ABCC4: variants seen among roughly 807,000 people sequenced by gnomAD.
ABCC4 encodes the protein ATP-binding cassette sub-family C member 4.
ABCC4 carries 102 observed loss-of-function variants against 168.5 expected under a neutral mutation model. The ratio of observed to expected loss-of-function variants is 0.61; its 90% CI spans 0.52 to 0.71. The LOEUF is 0.71. Ranked by LOEUF, ABCC4 falls within the 30% of genes least tolerant of loss-of-function variation. The pLI is 0.00. For synonymous variants in ABCC4, 617 were observed against 590.7 expected (o/e 1.04, Z -0.65); for missense variants, 1,402 against 1,605.8 (o/e 0.87, Z 2.17).
chr13:95,053,049 C>T (rs1326266584), intron 27 of ABCC4, 46 bp downstream of exon 27: 1 of 1,506,884 alleles, frequency 6.6e-7, no homozygotes. Context: ...TACATATACA[C>T]ATACTGAGGC....
At chr13:95,261,935 AC>A (rs200016375) in intron 1 of ABCC4, among the ~76,000 whole-genome samples, 13,559 of 145,778 alleles carry the variant, frequency 0.093, 1,012 homozygotes, top group African/African-American at 0.21. Flanking sequence ...TTCTCTCCAC[AC>A]AAAAAAAAAA....
Position 95,116,005 on chromosome 13 carries a change from C to T in ABCC4, c.2456-4G>A, listed in dbSNP as rs758407958. 8.1e-6 allele frequency: 13 copies of T among 1,608,904 alleles called. No individual in the cohort carries two copies. In the East Asian group the frequency reaches 1.3e-4, roughly 17 times the overall value. Reference sequence around the variant, plus strand: ...GAGAAACGATTTAAAATTCTTCCTGCAAGAACAGGATATGAAAAATTACTC... The same window carrying T: ...GAGAAACGATTTAAAATTCTTCCTGTAAGAACAGGATATGAAAAATTACTC... On this transcript the variant is annotated splice_polypyrimidine_tract_variant and splice_region_variant and intron_variant, in intron 19 of 30. Transcript: ENST00000645237.
At chr13:95,097,279 A>G (rs2034634373) in intron 20 of ABCC4, among the ~76,000 whole-genome samples, 1 of 152,318 alleles carries the variant, frequency 6.6e-6, no homozygotes, top group Non-Finnish European at 1.5e-5. Flanking sequence ...CTAACAGAAG[A>G]CAAATACCAA....
intron 4 of ABCC4, among the ~76,000 whole-genome samples, chr13:95,220,739 G>A (rs955715231): frequency 2.6e-5 from 4 of 152,170 alleles, no homozygotes; most frequent in African/African-American, 7.2e-5. Flanking sequence ...TCGACTCTAT[G>A]ATAAGCATAT....
chr13:95,128,536 C>T (rs775395428), intron 19 of ABCC4, among the ~76,000 whole-genome samples: 1 of 152,218 alleles, frequency 6.6e-6, no homozygotes, highest in Non-Finnish European at 1.5e-5. Flanking sequence ...AGCTGTGCAA[C>T]TCTTTCCTTC....
chr13:95,075,428 A>G lies in ABCC4; in HGVS notation c.2806+4T>C. 1 of 1,614,090 alleles carries G rather than the reference A, an allele frequency of 6.2e-7. No individual in the cohort carries two copies. Among genetic ancestry groups the G allele is most frequent in the Non-Finnish European group, 8.5e-7 (1 of 1,179,978 alleles). On this transcript the variant is annotated splice_donor_region_variant and intron_variant, in intron 22 of 30. Coordinates refer to ENST00000645237, the MANE Select transcript of ABCC4 (RefSeq NM_005845.5). ...TTTGAAACCATTTCCAGAAATAGAC[A>G]GACCTGAATGTAAATCCTGGTGTGC...
chr13:95,125,494 A>G (rs1751064), intron 19 of ABCC4, among the ~76,000 whole-genome samples: 112,311 of 151,864 alleles, frequency 0.74, 41,807 homozygotes, highest in Admixed American at 0.77. Context: ...ATTAAATTAC[A>G]CAAGTTACAG....
intron 12 of ABCC4, 101 bp downstream of exon 12, chr13:95,177,896 T>C: frequency 6.7e-7 from 1 of 1,498,282 alleles, no homozygotes; most frequent in Non-Finnish European, 9.3e-7. Flanking sequence ...AAGAAGGTGC[T>C]TCACACAGGA....
chr13:95,158,787 C>T lies in ABCC4; in HGVS notation c.2455+2402G>A, dbSNP rs576752961. ...GGAATTTTTATTTATATTATAAAGC[C>T]GGCTGGGTCCAGTGGCTCATGCCTG... is the stretch of plus-strand genomic sequence containing the variant. On this transcript the variant is annotated intron_variant, in intron 19 of 30. Transcript: ENST00000645237. Among the ~76,000 whole-genome samples the T allele has an allele frequency of 7.2e-5, 11 of 151,900 alleles. No individual in the cohort carries two copies. The South Asian group carries it at 1.7e-3, about 23-fold the overall frequency.
rs1370256178 is a variant in ABCC4 at position 95,186,822 on chromosome 13, A to G, written c.1424T>C (p.Ile475Thr). The G allele has an allele frequency of 1.2e-6, 2 of 1,614,104 alleles. No homozygotes were observed. The highest frequency in any genetic ancestry group is 1.1e-5 in the South Asian group (1 of 91,078). The change falls in exon 11 of 31, where the codon ATT becomes ACT. Residue 475 changes from isoleucine to threonine, a missense_variant. This residue lies in a region of ABCC4 where 1,007 missense variants were observed against 1,127.3 expected (regional missense o/e 0.89). Coordinates refer to ENST00000645237, the MANE Select transcript of ABCC4 (RefSeq NM_005845.5). Reference protein sequence around the residue: ...SHGLVSVHGRIAYVSQQPWVF... With the variant: ...SHGLVSVHGRTAYVSQQPWVF... ...CCAGGGCTGCTGAGACACATAGGCA[A>G]TTCTTCCATGCACGCTGACCAGCCC...
At chr13:95,072,094 AT>A (rs2139308503) in intron 24 of ABCC4, among the ~76,000 whole-genome samples, 1 of 152,326 alleles carries the variant, frequency 6.6e-6, no homozygotes, top group East Asian at 1.9e-4. Flanking sequence ...GATTTTATTT[AT>A]CCACTTCTCA....
chr13:95,049,133 A>T (rs1475504896), intron 27 of ABCC4, among the ~76,000 whole-genome samples: 1 of 151,920 alleles, frequency 6.6e-6, no homozygotes, highest in Non-Finnish European at 1.5e-5. Flanking sequence ...CAGGAGTTTG[A>T]GACCAGTGTG....
In ABCC4 at chr13:95,093,257, G is replaced by A. The variant is rs551175247; in HGVS notation, c.2536-9967C>T. On this transcript the variant is annotated intron_variant, in intron 20 of 30. Transcript: ENST00000645237. The stretch of plus-strand genomic sequence containing the variant: ...ATAACCAAAAAGAACACTGCAAACC[G>A]ATATCCTTGATGAACATAGATGCTA... 2.6e-3 allele frequency among the ~76,000 whole-genome samples: 388 copies of A among 151,968 alleles called. 2 individuals carry two copies. Among genetic ancestry groups the A allele is most frequent in the African/African-American group, 9.0e-3 (374 of 41,486 alleles).
At chr13:95,295,684 T>C (rs1367554952) in intron 1 of ABCC4, among the ~76,000 whole-genome samples, 1 of 138,934 alleles carries the variant, frequency 7.2e-6, no homozygotes, top group Non-Finnish European at 1.6e-5. Context: ...TAGCTAGGTG[T>C]CCAGGTGCGG....
intron 19 of ABCC4, among the ~76,000 whole-genome samples, chr13:95,121,793 C>T (rs2035580372): frequency 6.6e-6 from 1 of 152,104 alleles, no homozygotes; most frequent in African/African-American, 2.4e-5. Context: ...GCCAAGCACA[C>T]CCAACCCCAG....
At chr13:95,234,923 C>T (rs1055090200) in intron 3 of ABCC4, 89 bp from the exon 4 acceptor site, 23 of 949,868 alleles carry the variant, frequency 2.4e-5, no homozygotes, top group Non-Finnish European at 3.1e-5. Context: ...ATATTGCTTG[C>T]TCTGTCACCC....
Position 95,099,761 on chromosome 13 carries a change from A to G in ABCC4, c.2535+16161T>C, listed in dbSNP as rs4148528. Among the ~76,000 whole-genome samples the G allele has an allele frequency of 9.1e-4, 138 of 152,276 alleles. No homozygotes were observed. In the East Asian group the frequency reaches 0.022, roughly 24 times the overall value. On this transcript the variant is annotated intron_variant, in intron 20 of 30. Transcript: ENST00000645237. ...TTTGCTGCGATGCACAAGCGGCACT[A>G]TCGGCTTCATGACTCAACGCAAATG...
At chr13:95,097,194 T>C (rs1294281595) in intron 20 of ABCC4, among the ~76,000 whole-genome samples, 1 of 143,702 alleles carries the variant, frequency 7.0e-6, no homozygotes, top group East Asian at 2.0e-4. Context: ...ACATAAAGAG[T>C]AGAGCTAAAA....
chr13:95,023,896 T>G (rs1345267902), intron 30 of ABCC4, among the ~76,000 whole-genome samples: 1 of 152,160 alleles, frequency 6.6e-6, no homozygotes, highest in Non-Finnish European at 1.5e-5. Context: ...ATGAACACTT[T>G]TGAACTGGTG....
Sources: gnomAD v4.1 joint callset for allele counts (sites outside exome capture counted in the v4.1 genomes callset) on GRCh38, gnomAD v4.1.1 for gene constraint, gnomAD v4.1.1 regional missense constraint, MANE v1.5 for transcripts, NCBI Gene and HGNC (gene_info 2026-07-23, HGNC 2026-07-21) for gene names.